Variants in GALNT1 observed in about 807,000 individuals in gnomAD.
GALNT1 encodes the protein polypeptide N-acetylgalactosaminyltransferase 1.
In GALNT1, 17 loss-of-function variants were observed where a neutral mutation model predicts 65.7. The observed-to-expected ratio is 0.26, with a 90% CI of 0.18 to 0.39. The LOEUF (loss-of-function observed/expected upper bound fraction) is 0.39. GALNT1 is among the 10% of genes least tolerant of loss of function. GALNT1 has a pLI of 1.00. For missense variants in GALNT1, 460 were observed against 672.8 expected (o/e 0.68, Z 3.50); for synonymous variants, 210 against 219.7 (o/e 0.96, Z 0.39).
chr18:35,641,916 T>C (rs2047169085), intron 1 of GALNT1, among the ~76,000 whole-genome samples: 1 of 152,232 alleles, frequency 6.6e-6, no homozygotes, highest in Admixed American at 6.5e-5. Flanking sequence ...AAAAAAATAA[T>C]ATTTTGTAAT....
chr18:35,622,253 T>A (rs1343781286), intron 1 of GALNT1, among the ~76,000 whole-genome samples: 2 of 152,024 alleles, frequency 1.3e-5, no homozygotes, highest in African/African-American at 2.4e-5. Context: ...TTTTTTAATA[T>A]TATTATTTTT....
intron 1 of GALNT1, among the ~76,000 whole-genome samples, chr18:35,638,380 G>A (rs530801465): frequency 6.6e-6 from 1 of 152,140 alleles, no homozygotes; most frequent in East Asian, 1.9e-4. Context: ...GGTGCTGCAG[G>A]CATTTATTTA....
At chr18:35,604,344 T>G (rs766282149) in intron 1 of GALNT1, among the ~76,000 whole-genome samples, 1 of 152,200 alleles carries the variant, frequency 6.6e-6, no homozygotes, top group Non-Finnish European at 1.5e-5. Flanking sequence ...TAGATTGATT[T>G]CATGTCTTTG....
chr18:35,607,042 C>T (rs1449555533), intron 1 of GALNT1, among the ~76,000 whole-genome samples: 1 of 152,194 alleles, frequency 6.6e-6, no homozygotes, highest in East Asian at 1.9e-4. Flanking sequence ...GCACCAGACT[C>T]AAGGCAGCCA....
intron 2 of GALNT1, among the ~76,000 whole-genome samples, chr18:35,656,608 ACAAGAG>A (rs2047390072): frequency 6.6e-6 from 1 of 152,234 alleles, no homozygotes; most frequent in Admixed American, 6.5e-5. Flanking sequence ...TGATAGGAGA[ACAAGAG>A]CACAGGAGGT....
intron 1 of GALNT1, among the ~76,000 whole-genome samples, chr18:35,637,140 C>T (rs191549134): frequency 5.9e-5 from 9 of 152,272 alleles, no homozygotes; most frequent in Non-Finnish European, 1.5e-5. Flanking sequence ...ACAACACATA[C>T]ACCACCACAC....
At chr18:35,655,360 G>A (rs2047368503) in intron 2 of GALNT1, among the ~76,000 whole-genome samples, 1 of 151,106 alleles carries the variant, frequency 6.6e-6, no homozygotes, top group African/African-American at 2.4e-5. Context: ...GCAATATCTA[G>A]TATGGAAAGG....
At chr18:35,663,487 G>T (rs1174532768) in intron 2 of GALNT1, 141 bp from the exon 3 acceptor site, 1 of 804,892 alleles carries the variant, frequency 1.2e-6, no homozygotes, top group Non-Finnish European at 2.0e-6. Context: ...CCTTGAAAGG[G>T]TTAACAGCCT....
intron 1 of GALNT1, among the ~76,000 whole-genome samples, chr18:35,623,527 C>CT (rs1189357756): frequency 1.3e-5 from 2 of 151,846 alleles, no homozygotes; most frequent in Non-Finnish European, 2.9e-5. Flanking sequence ...CCTCTGTTCT[C>CT]TCCTTTTGCA....
intron 1 of GALNT1, among the ~76,000 whole-genome samples, chr18:35,645,304 C>T (rs7235721): frequency 0.1 from 14,121 of 140,954 alleles, 810 homozygotes; most frequent in African/African-American, 0.17. Flanking sequence ...AATCTCAGCT[C>T]ACTGCAAGTT....
chr18:35,627,858 T>C (rs2046939148), intron 1 of GALNT1, among the ~76,000 whole-genome samples: 1 of 152,104 alleles, frequency 6.6e-6, no homozygotes, highest in Non-Finnish European at 1.5e-5. Flanking sequence ...GAACATCGGG[T>C]CACTCCCACC....
At chr18:35,599,897 A>G (rs926883588) in intron 1 of GALNT1, among the ~76,000 whole-genome samples, 2 of 152,032 alleles carry the variant, frequency 1.3e-5, no homozygotes, top group African/African-American at 4.8e-5. Context: ...GTCTGTTTTT[A>G]TGTTAGTATC....
intron 3 of GALNT1, among the ~76,000 whole-genome samples, chr18:35,666,559 A>AC (rs1390328046): frequency 6.6e-6 from 1 of 152,116 alleles, no homozygotes; most frequent in African/African-American, 2.4e-5. Context: ...CATTTTAATA[A>AC]CCCCCCTAAG....
intron 3 of GALNT1, among the ~76,000 whole-genome samples, chr18:35,672,778 C>T (rs1350723897): frequency 6.6e-6 from 1 of 151,352 alleles, no homozygotes; most frequent in East Asian, 1.9e-4. Flanking sequence ...CAAATCCATC[C>T]TATATAGTTA....
intron 1 of GALNT1, chr18:35,596,103 A>G (rs983827741): frequency 1.3e-5 from 2 of 152,136 alleles, no homozygotes; most frequent in African/African-American, 4.8e-5. Context: ...AAATATAGAG[A>G]TTAGGGTAGA....
At position 35,688,219 on chromosome 18, in the gene GALNT1, A is replaced by G. The variant is rs192772721; in HGVS notation, c.861-954A>G. Among the ~76,000 whole-genome samples, 144 of 152,290 alleles carry G rather than the reference A, an allele frequency of 9.5e-4. 1 individual carries two copies. Among genetic ancestry groups the G allele is most frequent in the African/African-American group, 3.0e-3 (125 of 41,570 alleles). On this transcript the variant is annotated intron_variant, in intron 6 of 11. Coordinates refer to ENST00000269195, the MANE Select transcript of GALNT1 (RefSeq NM_020474.4). The stretch of plus-strand genomic sequence containing the variant: ...ACCCTGTATTAAATGATAATTCTGA[A>G]TTTTGGCTGTTTCTTTTAAATCCTT...
At chr18:35,653,533 CTG>C (rs2144383983) in intron 1 of GALNT1, among the ~76,000 whole-genome samples, 1 of 152,348 alleles carries the variant, frequency 6.6e-6, no homozygotes, top group African/African-American at 2.4e-5. Flanking sequence ...AGTGCAGACT[CTG>C]TTTCCTCACT....
intron 1 of GALNT1, among the ~76,000 whole-genome samples, chr18:35,601,355 A>G (rs2046579828): frequency 1.3e-5 from 2 of 151,772 alleles, no homozygotes; most frequent in Non-Finnish European, 2.9e-5. Context: ...TTCTTAGTCT[A>G]CCTAAGGGTT....
At chr18:35,637,070 C>T (rs949665820) in intron 1 of GALNT1, among the ~76,000 whole-genome samples, 10 of 152,148 alleles carry the variant, frequency 6.6e-5, no homozygotes, top group Middle Eastern at 3.4e-3. Context: ...CTGACTGCTC[C>T]GCCGACCAGC....
Sources: gnomAD v4.1 joint callset for allele counts (sites outside exome capture counted in the v4.1 genomes callset) on GRCh38, gnomAD v4.1.1 for gene constraint, MANE v1.5 for transcripts, NCBI Gene and HGNC (gene_info 2026-07-23, HGNC 2026-07-21) for gene names.